The following TRPM3 variants were observed in gnomAD, a reference collection of about 807,000 sequenced individuals.
TRPM3 encodes the protein transient receptor potential cation channel subfamily M member 3.
A neutral mutation model predicts 181.2 loss-of-function variants in TRPM3; 77 were observed. The ratio of observed to expected loss-of-function variants is 0.42; its 90% CI spans 0.35 to 0.51. The LOEUF (loss-of-function observed/expected upper bound fraction) is 0.51. Ranked by LOEUF, TRPM3 falls within the 20% of genes least tolerant of loss-of-function variation. TRPM3 has a pLI of 0.01. For missense variants in TRPM3, 1,759 were observed against 2,196.7 expected (o/e 0.80, Z 3.98); for synonymous variants, 745 against 796.4 (o/e 0.94, Z 1.09).
At chr9:71,418,747 T>A (rs1305588144) in intron 1 of TRPM3, among the ~76,000 whole-genome samples, 1 of 148,192 alleles carries the variant, frequency 6.7e-6, no homozygotes, top group Non-Finnish European at 1.5e-5. Flanking sequence ...TATATATATA[T>A]CCTTTGAGAT....
At chr9:71,197,532 G>T (rs2078463984) in intron 1 of TRPM3, among the ~76,000 whole-genome samples, 1 of 151,770 alleles carries the variant, frequency 6.6e-6, no homozygotes, top group Non-Finnish European at 1.5e-5. Flanking sequence ...TCCAGCACCT[G>T]TTGTTTCCTG....
chr9:70,966,802 G>A (rs1287825419), intron 1 of TRPM3, among the ~76,000 whole-genome samples: 3 of 151,804 alleles, frequency 2.0e-5, no homozygotes, highest in Non-Finnish European at 4.4e-5. Context: ...TTAATACCTG[G>A]GTGATAAAAT....
At chr9:71,384,953 G>A (rs547753416) in intron 1 of TRPM3, among the ~76,000 whole-genome samples, 6 of 152,160 alleles carry the variant, frequency 3.9e-5, no homozygotes, top group South Asian at 2.1e-4. Context: ...TTGTATAATG[G>A]ACTCTGAAGT....
intron 1 of TRPM3, among the ~76,000 whole-genome samples, chr9:71,319,019 T>C (rs550716724): frequency 1.6e-4 from 22 of 141,292 alleles, no homozygotes; most frequent in Middle Eastern, 3.5e-3. Flanking sequence ...TTATATAGTA[T>C]GTACAAAATT....
At chr9:70,795,936 T>C (rs532286951) in intron 6 of TRPM3, among the ~76,000 whole-genome samples, 2 of 152,322 alleles carry the variant, frequency 1.3e-5, no homozygotes, top group East Asian at 3.9e-4. Context: ...CAAGTATTAT[T>C]TTCATAAAAG....
intron 1 of TRPM3, among the ~76,000 whole-genome samples, chr9:71,006,004 C>G (rs1388290242): frequency 3.3e-5 from 5 of 152,054 alleles, no homozygotes; most frequent in Non-Finnish European, 5.9e-5. Flanking sequence ...AATGATGTAA[C>G]TTGAAACATC....
intron 1 of TRPM3, among the ~76,000 whole-genome samples, chr9:71,282,673 C>G (rs1164281543): frequency 1.3e-5 from 2 of 152,152 alleles, no homozygotes; most frequent in Non-Finnish European, 2.9e-5. Flanking sequence ...TTAAGACTCA[C>G]CAGCATGAGA....
intron 14 of TRPM3, among the ~76,000 whole-genome samples, chr9:70,623,050 GAAAAAAACTTTGTT>G (rs1378130310): frequency 1.3e-5 from 2 of 151,824 alleles, no homozygotes; most frequent in Non-Finnish European, 1.5e-5. Flanking sequence ...TTCAGAATCA[GAAAAAAACTTTGTT>G]AAATATAAAA....
chr9:71,051,946 T>G (rs1379393787), intron 1 of TRPM3, among the ~76,000 whole-genome samples: 1 of 152,092 alleles, frequency 6.6e-6, no homozygotes, highest in Non-Finnish European at 1.5e-5. Context: ...GGGGGTTGTT[T>G]CCGTATCTCG....
At chr9:70,924,449 C>T (rs3010421) in intron 1 of TRPM3, among the ~76,000 whole-genome samples, 28,064 of 152,116 alleles carry the variant, frequency 0.18, 4,221 homozygotes, top group African/African-American at 0.41. Context: ...TTACTGATGA[C>T]AATCAGTTCC....
intron 21 of TRPM3, among the ~76,000 whole-genome samples, chr9:70,595,233 T>C (rs991539645): frequency 6.6e-6 from 1 of 152,210 alleles, no homozygotes; most frequent in African/African-American, 2.4e-5. Context: ...AAGGGTAATA[T>C]ATTTGGTTTG....
In TRPM3 at chr9:70,537,271, C is replaced by T. The variant is rs769442758; in HGVS notation, c.3842G>A (p.Arg1281His). Residue 1281 changes from arginine to histidine, a missense_variant, in exon 26 of 26, where the codon CGC (arginine) becomes CAC (histidine). Physicochemically the swap from Arg to His is conservative, Grantham distance 29. Coordinates refer to ENST00000677713, the MANE Select transcript of TRPM3 (RefSeq NM_001366145.2). ...LIGRMATALE[R>H]LTGLERAESN... ...CTCGGCCCGCTCCAGACCTGTCAGGCGCTCCAGGGCCGTGGCCATGCGCCC... is the reference window on the plus strand; with the variant it reads ...CTCGGCCCGCTCCAGACCTGTCAGGTGCTCCAGGGCCGTGGCCATGCGCCC... The T allele has an allele frequency of 1.6e-5, 25 of 1,579,448 alleles. No individual in the cohort carries two copies. The highest frequency in any genetic ancestry group is 2.3e-5 in the East Asian group (1 of 44,166).
In TRPM3 at chr9:70,549,651, G is replaced by C. The variant is rs1298323326; in HGVS notation, c.3598C>G (p.Leu1200Val). ...GLKLFITDDE[L>V]KKVHDFEEQC... is the part of the protein sequence containing the mutation. ...TCTTCAAAGTCATGTACTTTCTTGA[G>C]CTCATCATCGGTTATGAAGAGTTCT... is the stretch of plus-strand genomic sequence containing the variant. The change falls in exon 25 of 26, where the codon CTC (leucine) becomes GTC (valine). Residue 1200 changes from leucine to valine, a missense_variant. Coordinates refer to ENST00000677713, the MANE Select transcript of TRPM3 (RefSeq NM_001366145.2). The C allele has an allele frequency of 1.2e-6, 2 of 1,609,598 alleles. No homozygotes were observed. The highest frequency in any genetic ancestry group is 2.7e-5 in the African/African-American group (2 of 74,580).
chr9:70,664,627 C>T (rs766836593), intron 9 of TRPM3, among the ~76,000 whole-genome samples: 1 of 147,646 alleles, frequency 6.8e-6, no homozygotes, highest in Non-Finnish European at 1.5e-5. Context: ...CAACCACACC[C>T]GATTAGGAGA....
At chr9:71,131,353 T>G (rs1565257517) in intron 1 of TRPM3, among the ~76,000 whole-genome samples, 1 of 152,140 alleles carries the variant, frequency 6.6e-6, no homozygotes, top group Non-Finnish European at 1.5e-5. Context: ...ATTGCAGCTC[T>G]TTGTTTGAAT....
intron 1 of TRPM3, among the ~76,000 whole-genome samples, chr9:70,997,823 T>C (rs1452789919): frequency 6.6e-6 from 1 of 151,990 alleles, no homozygotes; most frequent in East Asian, 1.9e-4. Flanking sequence ...TTTGGGAGGG[T>C]GAACTGTTGT....
chr9:71,162,232 A>G (rs938662793), intron 1 of TRPM3, among the ~76,000 whole-genome samples: 1 of 151,528 alleles, frequency 6.6e-6, no homozygotes, highest in African/African-American at 2.4e-5. Flanking sequence ...AAGAAAAAGA[A>G]AAAGAAAAAA....
intron 1 of TRPM3, among the ~76,000 whole-genome samples, chr9:71,424,610 T>C: frequency 6.6e-6 from 1 of 152,144 alleles, no homozygotes. Context: ...TGCTTTTGTG[T>C]ATAATTTTAT....
chr9:70,980,367 G>C (rs1335736712), intron 1 of TRPM3, among the ~76,000 whole-genome samples: 1 of 150,952 alleles, frequency 6.6e-6, no homozygotes, highest in East Asian at 1.9e-4. Flanking sequence ...GTCAGAAGGG[G>C]GAAAGAGAGA....
Sources: gnomAD v4.1 joint callset for allele counts (sites outside exome capture counted in the v4.1 genomes callset) on GRCh38, gnomAD v4.1.1 for gene constraint, MANE v1.5 for transcripts, NCBI Gene and HGNC (gene_info 2026-07-23, HGNC 2026-07-21) for gene names.